Variants in SIAH1 observed in about 807,000 individuals in gnomAD.
SIAH1 encodes E3 ubiquitin-protein ligase SIAH1.
Under a neutral mutation model 20.0 loss-of-function variants are expected in SIAH1, and 2 were observed. That is an observed-to-expected ratio of 0.10 (90% CI 0.04 to 0.31). SIAH1 has a LOEUF of 0.31. Among genes scored for constraint, SIAH1 ranks in the 10% least tolerant of loss-of-function variants. The probability of loss-of-function intolerance (pLI) is 1.00; values close to 1 mark genes in which losing one functional copy is unlikely to be tolerated. For missense variants in SIAH1, 119 were observed against 355.3 expected, an observed-to-expected ratio of 0.33 and a Z score of 5.35; for synonymous variants, 118 against 125.3, an observed-to-expected ratio of 0.94 and a Z score of 0.39.
At position 48,372,229 on chromosome 16, in the gene SIAH1, C is replaced by T. The variant is rs868636921; in HGVS notation, c.-2-9799G>A. On this transcript the variant is annotated intron_variant, in intron 1 of 1. Transcript: ENST00000394725. ...TAATGGAATTTATAGGAAAGAAATG[C>T]CATCTTTTAAAAAATCATGGAGCCT... is the stretch of plus-strand genomic sequence containing the variant. 3.9e-5 allele frequency among the ~76,000 whole-genome samples: 6 copies of T among 152,154 alleles called. 1 individual carries two copies. Among genetic ancestry groups the T allele is most frequent in the Middle Eastern group, 3.4e-3 (1 of 294 alleles).
intron 1 of SIAH1, among the ~76,000 whole-genome samples, chr16:48,383,217 G>A (rs574372821): frequency 1.3e-5 from 2 of 152,106 alleles, no homozygotes; most frequent in East Asian, 3.9e-4. Flanking sequence ...TTGGAAAGAT[G>A]CCAATAACGA....
At chr16:48,376,264 A>G (rs919063486) in intron 1 of SIAH1, among the ~76,000 whole-genome samples, 2 of 152,202 alleles carry the variant, frequency 1.3e-5, no homozygotes, top group African/African-American at 4.8e-5. Flanking sequence ...TATTACACTT[A>G]AAAATTTTAA....
At chr16:48,364,067 A>G (rs1346376732) in intron 1 of SIAH1, among the ~76,000 whole-genome samples, 2 of 144,498 alleles carry the variant, frequency 1.4e-5, no homozygotes, top group Admixed American at 1.5e-4. Context: ...CTCCTGCCTC[A>G]GCCTCCCAAG....
chr16:48,368,223 TACA>T (rs1960891016), intron 1 of SIAH1, among the ~76,000 whole-genome samples: 1 of 152,178 alleles, frequency 6.6e-6, no homozygotes, highest in South Asian at 2.1e-4. Context: ...CCAAGAGGGC[TACA>T]ACATCAGACC....
At chr16:48,373,080 T>C (rs1961024846) in intron 1 of SIAH1, among the ~76,000 whole-genome samples, 1 of 152,216 alleles carries the variant, frequency 6.6e-6, no homozygotes, top group Non-Finnish European at 1.5e-5. Context: ...TAGCTGCCTA[T>C]AAATTACTGT....
At chr16:48,380,224 T>C (rs142533685) in intron 1 of SIAH1, among the ~76,000 whole-genome samples, 2,236 of 152,156 alleles carry the variant, frequency 0.015, 65 homozygotes, top group African/African-American at 0.052. Context: ...GGCAGATCAC[T>C]TGAGGCCAGG....
chr16:48,365,571 T>C, intron 1 of SIAH1: 1 of 1,516,446 alleles, frequency 6.6e-7, no homozygotes, highest in Middle Eastern at 2.4e-4. Context: ...AGACCCAAAT[T>C]CGCGTCTGAG....
At chr16:48,379,566 A>T (rs1166236060) in intron 1 of SIAH1, among the ~76,000 whole-genome samples, 1 of 152,250 alleles carries the variant, frequency 6.6e-6, no homozygotes, top group Non-Finnish European at 1.5e-5. Flanking sequence ...CAGTCGCTCA[A>T]TAACTTTTTA....
At position 48,362,396 on chromosome 16, in the gene SIAH1, G is replaced by A. The variant is rs571226258; in HGVS notation, c.33C>T (p.Thr11=). ...GGGATGGTGGACACTTCGAGGTACC[G>A]GTAGGTAATGCTGTAGCAGTCTGAC... MSRQTATALP[T]GTSKCPPSQR... The change falls in exon 2 of 2, where the codon ACC becomes ACT. Residue 11 remains threonine, a synonymous_variant. Coordinates refer to ENST00000394725, the MANE Select transcript of SIAH1 (RefSeq NM_003031.4). This position sits in a 1 kb window ranked among gnomAD's most constrained non-coding sequence, Gnocchi z 4.2. 3.6e-5 allele frequency: 58 copies of A among 1,614,074 alleles called. 1 individual carries two copies. In the South Asian group the frequency reaches 4.3e-4, roughly 12 times the overall value.
intron 1 of SIAH1, among the ~76,000 whole-genome samples, chr16:48,369,633 TTGGGAGGCTGAGG>T (rs1189982298): frequency 3.3e-5 from 5 of 152,102 alleles, no homozygotes; most frequent in Admixed American, 6.5e-5. Flanking sequence ...AGCCAGCTAT[TTGGGAGGCTGAGG>T]TGGGAGGCTC....
chr16:48,369,877 C>T (rs1960938942), intron 1 of SIAH1, among the ~76,000 whole-genome samples: 1 of 152,192 alleles, frequency 6.6e-6, no homozygotes, highest in African/African-American at 2.4e-5. Context: ...ACACCTGAAT[C>T]CTTAATTTTG....
intron 1 of SIAH1, among the ~76,000 whole-genome samples, chr16:48,384,105 C>T (rs1225434217): frequency 6.6e-6 from 1 of 152,228 alleles, no homozygotes. Flanking sequence ...AGCAGACAGT[C>T]GGACTTCACA....
intron 1 of SIAH1, among the ~76,000 whole-genome samples, chr16:48,367,930 A>G (rs1960883378): frequency 6.6e-6 from 1 of 152,222 alleles, no homozygotes; most frequent in Non-Finnish European, 1.5e-5. Flanking sequence ...AGTTTGGTAT[A>G]TAGTTTAAGT....
intron 1 of SIAH1, among the ~76,000 whole-genome samples, chr16:48,381,558 A>C (rs902571945): frequency 7.9e-5 from 12 of 152,248 alleles, no homozygotes; most frequent in Non-Finnish European, 1.8e-4. Context: ...TCTAGACAAC[A>C]GATTATTATG....
intron 1 of SIAH1, among the ~76,000 whole-genome samples, chr16:48,370,276 C>A (rs1487737548): frequency 6.6e-6 from 1 of 152,010 alleles, no homozygotes; most frequent in Non-Finnish European, 1.5e-5. Context: ...ACTCCTTAAC[C>A]CCTCTATATA....
At chr16:48,364,329 G>A (rs1467485109) in intron 1 of SIAH1, among the ~76,000 whole-genome samples, 1 of 152,194 alleles carries the variant, frequency 6.6e-6, no homozygotes, top group Non-Finnish European at 1.5e-5. Flanking sequence ...AAGAAGCAAT[G>A]TTGGTTACCA....
chr16:48,385,471 C>G (rs1341106448), upstream of SIAH1: 1 of 150,342 alleles, frequency 6.7e-6, no homozygotes, highest in East Asian at 1.9e-4. Context: ...CATGAGGAGG[C>G]GCGGCCCCGC....
At position 48,385,296 on chromosome 16, in the gene SIAH1, C is replaced by A. The variant is rs1961424078; in HGVS notation, c.-95G>T. The A allele has an allele frequency of 3.6e-6, 1 of 280,466 alleles. No homozygotes were observed. Among genetic ancestry groups the A allele is most frequent in the South Asian group, 2.7e-5 (1 of 37,660 alleles). The allele number at this position is 280,466 out of a possible 1,614,324, so 17.4% of individuals were successfully genotyped here. A position where few individuals can be genotyped will look rare whatever the true frequency, so the allele number is the denominator to read the frequency against. ...ACCGCGGGCAGCGCCACCGCCTCTTCCCGGCGCCGAGACCGACGGGACACC... is the reference window on the plus strand; with the variant it reads ...ACCGCGGGCAGCGCCACCGCCTCTTACCGGCGCCGAGACCGACGGGACACC... On this transcript the variant is annotated 5_prime_UTR_variant, in exon 1 of 2. Coordinates refer to ENST00000394725, the MANE Select transcript of SIAH1 (RefSeq NM_003031.4).
rs139689968 is a variant in SIAH1, at chr16:48,362,895, T to A, written c.-2-465A>T. ...ACTCCTGTATAAAATCGGCACTCTGTATCCACACGGTCTGCATCCGAGGAC... is the reference window on the plus strand; with the variant it reads ...ACTCCTGTATAAAATCGGCACTCTGAATCCACACGGTCTGCATCCGAGGAC... On this transcript the variant is annotated intron_variant, in intron 1 of 1. Transcript: ENST00000394725. This position sits in a 1 kb window ranked among gnomAD's most constrained non-coding sequence, Gnocchi z 4.2. The A allele has an allele frequency of 6.3e-3, 1,057 of 168,778 alleles. 13 individuals carry two copies. The highest frequency in any genetic ancestry group is 0.025 in the African/African-American group (1,022 of 41,598). The allele number at this position is 168,778 out of a possible 1,614,324, so 10.5% of individuals were successfully genotyped here.
Sources: gnomAD v4.1 joint callset for allele counts (sites outside exome capture counted in the v4.1 genomes callset) on GRCh38, gnomAD v4.1.1 for gene constraint, Gnocchi (gnomAD v3.1) non-coding constraint, MANE v1.5 for transcripts, NCBI Gene and HGNC (gene_info 2026-07-23, HGNC 2026-07-21) for gene names.